The following PLCB4 variants were observed in gnomAD, a reference collection of about 807,000 sequenced individuals.
PLCB4 encodes 1-phosphatidylinositol 4,5-bisphosphate phosphodiesterase beta-4.
Under a neutral mutation model 178.8 loss-of-function variants are expected in PLCB4, and 77 were observed. The observed-to-expected ratio is 0.43, with a 90% CI of 0.36 to 0.52. The LOEUF (loss-of-function observed/expected upper bound fraction) is 0.52, where lower values mean the gene tolerates loss of function less well. Ranked by LOEUF, PLCB4 falls within the 20% of genes least tolerant of loss-of-function variation. PLCB4 has a pLI of 0.00. For missense variants in PLCB4, 1,024 were observed against 1,453.4 expected (o/e 0.70, Z 4.80); for synonymous variants, 496 against 490.8 (o/e 1.01, Z -0.14).
intron 3 of PLCB4, among the ~76,000 whole-genome samples, chr20:9,234,979 G>C (rs1259978349): frequency 6.6e-6 from 1 of 152,174 alleles, no homozygotes; most frequent in South Asian, 2.1e-4. Flanking sequence ...TTGCTTAGTA[G>C]AGAATGAAGT....
rs578239732 is a variant in PLCB4 at position 9,131,280 on chromosome 20, C to A, written c.-79+34938C>A. ...CTCTCCCTTTTTCCTTCCTTCCCTCCTTCTTTCCTTCCTTCCTTGCTTCCT... is the reference window on the plus strand; with the variant it reads ...CTCTCCCTTTTTCCTTCCTTCCCTCATTCTTTCCTTCCTTCCTTGCTTCCT... On this transcript the variant is annotated intron_variant, in intron 2 of 39. Transcript: ENST00000378473. Among the ~76,000 whole-genome samples, 5 of 152,150 alleles carry A rather than the reference C, an allele frequency of 3.3e-5. No homozygotes were observed. The South Asian group carries it at 1.0e-3, about 32-fold the overall frequency.
intron 3 of PLCB4, among the ~76,000 whole-genome samples, chr20:9,273,466 C>G (rs973765287): frequency 2.6e-5 from 4 of 152,018 alleles, no homozygotes; most frequent in African/African-American, 7.2e-5. Flanking sequence ...AGAGCCCATA[C>G]TTGTATGTAC....
chr20:9,157,291 A>G (rs1241774486), intron 2 of PLCB4, among the ~76,000 whole-genome samples: 2 of 152,130 alleles, frequency 1.3e-5, no homozygotes, highest in Non-Finnish European at 1.5e-5. Flanking sequence ...AAAAAGTCTC[A>G]TTGCATGGAA....
intron 2 of PLCB4, among the ~76,000 whole-genome samples, chr20:9,105,035 C>G (rs985625286): frequency 6.6e-6 from 1 of 151,824 alleles, no homozygotes; most frequent in African/African-American, 2.4e-5. Flanking sequence ...GTAACAAGTG[C>G]TTGATTTTTA....
rs1412647461 is a variant in PLCB4, at chr20:9,423,758, C to T, written c.2330C>T (p.Pro777Leu). ...CTGTTCTGTTTGCAGGTGATCCTGC[C>T]GGACCTGGCTGTCTTGAGAATAGCT... ...ESFVFRKVIL[P>L]DLAVLRIAVY... Residue 777 changes from proline to leucine, a missense_variant, in exon 28 of 40, where the codon CCG becomes CTG. By Grantham distance (98) the Pro-to-Leu change is moderately conservative. This residue lies in a region of PLCB4 where 227 missense variants were observed against 374.3 expected (regional missense o/e 0.61). Coordinates refer to ENST00000378473, the MANE Select transcript of PLCB4 (RefSeq NM_001377142.1). 6.2e-6 allele frequency: 10 copies of T among 1,613,390 alleles called. No homozygotes were observed. The highest frequency in any genetic ancestry group is 1.7e-5 in the Admixed American group (1 of 59,942).
intron 1 of PLCB4, among the ~76,000 whole-genome samples, chr20:9,072,665 TG>T (rs1000181536): frequency 6.6e-6 from 1 of 152,086 alleles, no homozygotes; most frequent in African/African-American, 2.4e-5. Context: ...CCCCATTTTC[TG>T]GGTGGAAGGG....
intron 2 of PLCB4, among the ~76,000 whole-genome samples, chr20:9,167,627 T>G (rs929562311): frequency 6.6e-6 from 1 of 152,210 alleles, no homozygotes; most frequent in Non-Finnish European, 1.5e-5. Flanking sequence ...AATTAACAAC[T>G]TAGAAAGTTG....
At chr20:9,457,142 C>A (rs1290856837) in intron 33 of PLCB4, among the ~76,000 whole-genome samples, 1 of 152,058 alleles carries the variant, frequency 6.6e-6, no homozygotes, top group Non-Finnish European at 1.5e-5. Context: ...AAAACAGGAA[C>A]CAAAATGGAA....
At chr20:9,111,422 T>A (rs2091570586) in intron 2 of PLCB4, among the ~76,000 whole-genome samples, 1 of 152,242 alleles carries the variant, frequency 6.6e-6, no homozygotes, top group South Asian at 2.1e-4. Flanking sequence ...CTCTCATTGT[T>A]ATTTTTGAAA....
At chr20:9,445,861 A>G (rs543235349) in intron 32 of PLCB4, among the ~76,000 whole-genome samples, 1 of 152,372 alleles carries the variant, frequency 6.6e-6, no homozygotes, top group African/African-American at 2.4e-5. Flanking sequence ...ATTATTTGGA[A>G]TAGAGTGGAT....
intron 2 of PLCB4, among the ~76,000 whole-genome samples, chr20:9,197,526 GTTT>G (rs1333107261): frequency 1.3e-5 from 2 of 152,074 alleles, no homozygotes; most frequent in Non-Finnish European, 2.9e-5. Flanking sequence ...TTAAAAATTG[GTTT>G]TACCTTGTCG....
chr20:9,271,473 G>A (rs188852986), intron 3 of PLCB4, among the ~76,000 whole-genome samples: 21 of 152,184 alleles, frequency 1.4e-4, no homozygotes, highest in Admixed American at 1.1e-3. Context: ...GGACTCTCTG[G>A]TAACAAAGTT....
chr20:9,267,346 C>T (rs2094359167), intron 3 of PLCB4, among the ~76,000 whole-genome samples: 1 of 152,090 alleles, frequency 6.6e-6, no homozygotes, highest in Non-Finnish European at 1.5e-5. Context: ...ACTATGTTTG[C>T]TATGATTTGG....
chr20:9,471,099 A>G (rs1232525961), intron 36 of PLCB4, among the ~76,000 whole-genome samples: 4 of 152,356 alleles, frequency 2.6e-5, no homozygotes, highest in African/African-American at 7.2e-5. Flanking sequence ...CCCAATATTT[A>G]TAACTGAATG....
chr20:9,304,240 G>T (rs187935422), intron 3 of PLCB4, among the ~76,000 whole-genome samples: 2 of 151,678 alleles, frequency 1.3e-5, no homozygotes, highest in East Asian at 1.9e-4. Flanking sequence ...TGTGTGTGTG[G>T]GGGGGTGTGA....
chr20:9,407,139 T>G (rs1156822663), intron 21 of PLCB4, among the ~76,000 whole-genome samples: 1 of 152,148 alleles, frequency 6.6e-6, no homozygotes, highest in East Asian at 1.9e-4. Flanking sequence ...AGAGGCAGCA[T>G]CATTAGCACC....
intron 3 of PLCB4, among the ~76,000 whole-genome samples, chr20:9,248,441 G>A (rs1044740688): frequency 6.6e-6 from 1 of 152,122 alleles, no homozygotes; most frequent in Non-Finnish European, 1.5e-5. Flanking sequence ...GGGATAAAGG[G>A]ATAGTTTGTA....
chr20:9,073,802 C>T (rs1328342594), intron 1 of PLCB4, among the ~76,000 whole-genome samples: 2 of 152,058 alleles, frequency 1.3e-5, no homozygotes, highest in African/African-American at 2.4e-5. Flanking sequence ...GCAGGAGGAT[C>T]GCTCAAGCCC....
chr20:9,316,842 G>C (rs6077513), intron 4 of PLCB4, among the ~76,000 whole-genome samples: 7,476 of 152,174 alleles, frequency 0.049, 262 homozygotes, highest in Non-Finnish European at 0.077. Context: ...CCTTCCTCTA[G>C]ACCAGCCTTT....
Sources: allele counts gnomAD v4.1 joint callset (sites outside exome capture counted in the v4.1 genomes callset), GRCh38; gene constraint gnomAD v4.1.1; regional missense constraint gnomAD v4.1.1; transcripts MANE v1.5; gene names NCBI Gene and HGNC (gene_info 2026-07-23, HGNC 2026-07-21).